SPTB: variants seen among roughly 807,000 people sequenced by gnomAD.
SPTB encodes the protein spectrin beta, erythrocytic, also known as spectrin beta chain, erythrocytic.
In SPTB, 45 loss-of-function variants were observed where a neutral mutation model predicts 256.2. That is an observed-to-expected ratio of 0.18 (90% confidence interval 0.14 to 0.23). The LOEUF (loss-of-function observed/expected upper bound fraction) is 0.23, where lower values mean the gene tolerates loss of function less well. Among genes scored for constraint, SPTB ranks in the 10% least tolerant of loss-of-function variants. SPTB has a pLI of 1.00. For missense variants in SPTB, 2,715 were observed against 3,040.4 expected (o/e 0.89, Z 2.52); for synonymous variants, 1,231 against 1,243.1 (o/e 0.99, Z 0.21).
chr14:64,856,340 G>A (rs1346376461), intron 1 of SPTB, among the ~76,000 whole-genome samples: 2 of 152,198 alleles, frequency 1.3e-5, no homozygotes, highest in East Asian at 1.9e-4. Flanking sequence ...ACCTGAGAGG[G>A]AGGATCCTTC....
In SPTB at chr14:64,793,589, G is replaced by A. The variant is rs987994868; in HGVS notation, c.2074C>T (p.His692Tyr). 6.2e-7 allele frequency: 1 copy of A among 1,614,196 alleles called. No individual in the cohort carries two copies. Among genetic ancestry groups the A allele is most frequent in the Non-Finnish European group, 8.5e-7 (1 of 1,180,052 alleles). Residue 692 changes from histidine (H) to tyrosine (Y), a missense_variant, in exon 14 of 36, where the codon CAC becomes TAC. His to Tyr is a moderately conservative substitution (Grantham distance 83). Transcript: ENST00000644917. The surrounding 1 kb of genome is among the most constrained non-coding windows in gnomAD (Gnocchi z 7.0). Reference sequence around the variant, plus strand: ...GCCTCCTGGAAGATCTGCTCCAGGTGAGCATCCAGCCCACGGAGCTCATCC... The same window carrying A: ...GCCTCCTGGAAGATCTGCTCCAGGTAAGCATCCAGCCCACGGAGCTCATCC... ...FEDELRGLDA[H>Y]LEQIFQEAHG...
chr14:64,821,562 G>A (rs908954748), intron 2 of SPTB, among the ~76,000 whole-genome samples: 6 of 149,294 alleles, frequency 4.0e-5, no homozygotes, highest in African/African-American at 1.5e-4. Flanking sequence ...GATATAAGAA[G>A]GTAAAACCAG....
At chr14:64,805,497 C>T (rs1015440272) in intron 2 of SPTB, among the ~76,000 whole-genome samples, 3 of 152,182 alleles carry the variant, frequency 2.0e-5, no homozygotes, top group African/African-American at 7.2e-5. Flanking sequence ...ACCCCACCTC[C>T]TTCACTTAAC....
rs982777276 is a variant in SPTB, at chr14:64,792,513, C to T, written c.2666+484G>A. Among the ~76,000 whole-genome samples the T allele has an allele frequency of 6.6e-6, 1 of 152,168 alleles. No homozygotes were observed. The highest frequency in any genetic ancestry group is 2.4e-5 in the African/African-American group (1 of 41,448). On this transcript the variant is annotated intron_variant, in intron 14 of 35. Coordinates refer to ENST00000644917, the MANE Select transcript of SPTB (RefSeq NM_001355436.2). This position sits in a 1 kb window ranked among gnomAD's most constrained non-coding sequence, Gnocchi z 4.2. ...CACAGACTGGGGCATGCCTCATCAT[C>T]TGGGGTGCTGACAAAATCAGAACAC...
At chr14:64,860,176 C>T (rs1428884821) in intron 1 of SPTB, among the ~76,000 whole-genome samples, 1 of 152,150 alleles carries the variant, frequency 6.6e-6, no homozygotes, top group Non-Finnish European at 1.5e-5. Context: ...AGGCAATCCC[C>T]CAGTGACATG....
chr14:64,763,624 T>C (rs1050760068), intron 32 of SPTB: 1 of 465,008 alleles, frequency 2.2e-6, no homozygotes. Flanking sequence ...GATTAGGTGG[T>C]TTTTATCTCA....
At chr14:64,850,438 T>C (rs191332353) in intron 1 of SPTB, among the ~76,000 whole-genome samples, 9 of 152,362 alleles carry the variant, frequency 5.9e-5, no homozygotes, top group African/African-American at 1.9e-4. Flanking sequence ...GCCCACGTTT[T>C]CTGATAGTTC....
At chr14:64,811,583 G>C (rs894763352) in intron 2 of SPTB, among the ~76,000 whole-genome samples, 1 of 152,148 alleles carries the variant, frequency 6.6e-6, no homozygotes, top group African/African-American at 2.4e-5. Context: ...AGTAATTAGG[G>C]GGAAAGTATG....
In SPTB at chr14:64,779,067, C is replaced by T. The variant is rs1442789356; in HGVS notation, c.4563+90G>A. 77 of 957,838 alleles carry T rather than the reference C, an allele frequency of 8.0e-5. 3 individuals carry two copies. In the South Asian group the frequency reaches 1.0e-3, roughly 13 times the overall value. 59.3% of individuals were successfully genotyped at this position (957,838 alleles called of 1,614,324 possible). Reference sequence around the variant, plus strand: ...AGAACAATAATCTGCTGTTGCTAGCCTTCTGCAGGTCAGGGCTGGGCCTAC... The same window carrying T: ...AGAACAATAATCTGCTGTTGCTAGCTTTCTGCAGGTCAGGGCTGGGCCTAC... On this transcript the variant is annotated intron_variant, in intron 22 of 35. Coordinates refer to ENST00000644917, the MANE Select transcript of SPTB (RefSeq NM_001355436.2). The surrounding 1 kb of genome is among the most constrained non-coding windows in gnomAD (Gnocchi z 4.2).
intron 8 of SPTB, 37 bp from the exon 9 acceptor site, chr14:64,799,971 G>C (rs769826974): frequency 6.2e-7 from 1 of 1,608,846 alleles, no homozygotes; most frequent in Non-Finnish European, 8.5e-7. Context: ...TCATCAGAAG[G>C]GCAATGCCAC....
intron 1 of SPTB, among the ~76,000 whole-genome samples, chr14:64,879,211 G>C (rs1882986725): frequency 7.0e-6 from 1 of 143,418 alleles, no homozygotes; most frequent in Non-Finnish European, 1.6e-5. Flanking sequence ...TCCTCCCTCG[G>C]TCTACACGGG....
rs1351910100 is a variant in SPTB, at chr14:64,753,804, C to T, written c.6346-11G>A. On this transcript the variant is annotated splice_polypyrimidine_tract_variant and intron_variant, in intron 32 of 35. Coordinates refer to ENST00000644917, the MANE Select transcript of SPTB (RefSeq NM_001355436.2). ...TCCCTCTTCTTCCCCCTGCTCAGGGCATAGGGAGGAGCACACCTTTCTGGG... is the reference window on the plus strand; with the variant it reads ...TCCCTCTTCTTCCCCCTGCTCAGGGTATAGGGAGGAGCACACCTTTCTGGG... The T allele has an allele frequency of 1.2e-6, 2 of 1,611,982 alleles. No individual in the cohort carries two copies. Among genetic ancestry groups the T allele is most frequent in the East Asian group, 2.2e-5 (1 of 44,882 alleles).
chr14:64,841,753 A>G lies in SPTB; in HGVS notation c.-51-18608T>C, dbSNP rs753911478. Among the ~76,000 whole-genome samples, 1 of 152,074 alleles carries G rather than the reference A, an allele frequency of 6.6e-6. No individual in the cohort carries two copies. The highest frequency in any genetic ancestry group is 1.9e-4 in the East Asian group (1 of 5,180). ...CCTCTGACATCCCATATATATATAT[A>G]TATTTTTTAAGGGTCTTTCTTTAAC... On this transcript the variant is annotated intron_variant, in intron 1 of 35. Transcript: ENST00000644917. The surrounding 1 kb of genome is among the most constrained non-coding windows in gnomAD (Gnocchi z 4.6).
At chr14:64,851,894 G>A (rs1470642284) in intron 1 of SPTB, among the ~76,000 whole-genome samples, 1 of 152,020 alleles carries the variant, frequency 6.6e-6, no homozygotes, top group African/African-American at 2.4e-5. Context: ...AGAGCTAAAG[G>A]AAAAATAGCT....
At position 64,796,753 on chromosome 14, in the gene SPTB, G is replaced by A. The variant is rs1487970673; in HGVS notation, c.1183-38C>T. The A allele has an allele frequency of 1.2e-6, 2 of 1,613,374 alleles. No homozygotes were observed. Among genetic ancestry groups the A allele is most frequent in the East Asian group, 2.2e-5 (1 of 44,894 alleles). Reference sequence around the variant, plus strand: ...TGGAATGAGAATTCTTGGGGCACAGGAGAAATGCCTCACTTTGGGGGCTCC... The same window carrying A: ...TGGAATGAGAATTCTTGGGGCACAGAAGAAATGCCTCACTTTGGGGGCTCC... On this transcript the variant is annotated intron_variant, in intron 10 of 35. Coordinates refer to ENST00000644917, the MANE Select transcript of SPTB (RefSeq NM_001355436.2). This position sits in a 1 kb window ranked among gnomAD's most constrained non-coding sequence, Gnocchi z 4.1.
chr14:64,779,915 A>C lies in SPTB; in HGVS notation c.4283T>G (p.Val1428Gly), dbSNP rs750776585. The stretch of plus-strand genomic sequence containing the variant: ...CCCCAGCTCCTCTTTTCGCACATTC[A>C]CTTGGTCCTCCACTCGCTGAGACAC... Reference protein sequence around the residue: ...LAKLKRVEDQVNVRKEELGEL... With the variant: ...LAKLKRVEDQGNVRKEELGEL... The change falls in exon 21 of 36, where the codon GTG becomes GGG. Residue 1428 changes from valine (V) to glycine (G), a missense_variant. This residue lies in a region of SPTB where 2,239 missense variants were observed against 2,384.4 expected (regional missense o/e 0.94). Coordinates refer to ENST00000644917, the MANE Select transcript of SPTB (RefSeq NM_001355436.2). This position sits in a 1 kb window ranked among gnomAD's most constrained non-coding sequence, Gnocchi z 4.2. The C allele has an allele frequency of 5.0e-6, 8 of 1,613,704 alleles. No individual in the cohort carries two copies. The South Asian group carries it at 8.8e-5, about 18-fold the overall frequency.
intron 33 of SPTB, chr14:64,752,077 G>C: frequency 1.1e-6 from 1 of 886,680 alleles, no homozygotes; most frequent in Non-Finnish European, 1.5e-6. Flanking sequence ...CGGGGTGACA[G>C]AGTGAGACTC....
chr14:64,874,859 A>C (rs1882734261), intron 1 of SPTB, among the ~76,000 whole-genome samples: 1 of 152,174 alleles, frequency 6.6e-6, no homozygotes, highest in Non-Finnish European at 1.5e-5. Flanking sequence ...CGAAGCAATT[A>C]TTGTTCTTTA....
chr14:64,783,795 C>T (rs1024220668), intron 19 of SPTB, among the ~76,000 whole-genome samples: 7 of 152,144 alleles, frequency 4.6e-5, no homozygotes, highest in East Asian at 3.9e-4. Context: ...TCCCTTGGTT[C>T]GCCATCTATA....
Sources: gnomAD v4.1 joint callset for allele counts (sites outside exome capture counted in the v4.1 genomes callset) on GRCh38, gnomAD v4.1.1 for gene constraint, gnomAD v4.1.1 regional missense constraint, Gnocchi (gnomAD v3.1) non-coding constraint, MANE v1.5 for transcripts, NCBI Gene and HGNC (gene_info 2026-07-23, HGNC 2026-07-21) for gene names.